MGMT: variants seen among roughly 807,000 people sequenced by gnomAD.
The protein encoded by MGMT is O-6-methylguanine-DNA methyltransferase.
A neutral mutation model predicts 15.9 loss-of-function variants in MGMT; 14 were observed. The ratio of observed to expected loss-of-function variants is 0.88; its 90% CI spans 0.58 to 1.37. The LOEUF is 1.37. Among genes scored for constraint, MGMT ranks in the 40% most tolerant of loss-of-function variants. The pLI, the probability that MGMT is intolerant of heterozygous loss-of-function variation, is 0.00. For synonymous variants in MGMT, 130 were observed against 118.2 expected, an observed-to-expected ratio of 1.10 and a Z score of -0.65; for missense variants, 282 against 268.1, an observed-to-expected ratio of 1.05 and a Z score of -0.36.
chr10:129,554,448 C>T (rs148890788), intron 2 of MGMT, among the ~76,000 whole-genome samples: 233 of 152,152 alleles, frequency 1.5e-3, no homozygotes, highest in Non-Finnish European at 1.4e-3. Context: ...AAGGTCTGTG[C>T]TTGGTTCTTT....
chr10:129,594,663 A>G (rs1447848700), intron 2 of MGMT, among the ~76,000 whole-genome samples: 2 of 152,208 alleles, frequency 1.3e-5, no homozygotes, highest in African/African-American at 2.4e-5. Context: ...GTGAAAGACA[A>G]TACGAACAGT....
chr10:129,471,732 G>T (rs1845233532), intron 1 of MGMT, among the ~76,000 whole-genome samples: 1 of 152,108 alleles, frequency 6.6e-6, no homozygotes, highest in Non-Finnish European at 1.5e-5. Context: ...GGATGCCAGG[G>T]GATTCTGGCA....
intron 2 of MGMT, among the ~76,000 whole-genome samples, chr10:129,623,545 A>G (rs1365807510): frequency 6.6e-6 from 1 of 152,112 alleles, no homozygotes; most frequent in Middle Eastern, 3.2e-3. Context: ...ATATGTATGT[A>G]TATATATAAC....
At chr10:129,584,313 C>T (rs1846592551) in intron 2 of MGMT, among the ~76,000 whole-genome samples, 10 of 152,192 alleles carry the variant, frequency 6.6e-5, no homozygotes, top group Admixed American at 6.5e-4. Flanking sequence ...CTGAGAATTG[C>T]TTGGCCTGTC....
At chr10:129,572,696 G>C (rs146858759) in intron 2 of MGMT, among the ~76,000 whole-genome samples, 2 of 151,454 alleles carry the variant, frequency 1.3e-5, no homozygotes, top group African/African-American at 4.9e-5. Flanking sequence ...GTGGTCATAC[G>C]GAAGAAGTCT....
At chr10:129,631,379 A>G (rs1471671276) in intron 2 of MGMT, among the ~76,000 whole-genome samples, 1 of 152,166 alleles carries the variant, frequency 6.6e-6, no homozygotes, top group Non-Finnish European at 1.5e-5. Flanking sequence ...CAGAAGAATG[A>G]AGGACTCTTA....
At chr10:129,521,174 C>T (rs1049820808) in intron 1 of MGMT, among the ~76,000 whole-genome samples, 3 of 152,150 alleles carry the variant, frequency 2.0e-5, no homozygotes, top group East Asian at 1.9e-4. Flanking sequence ...GCTCAGGCCC[C>T]GCACATCGTC....
chr10:129,747,386 C>CT (rs1373586182), intron 3 of MGMT, among the ~76,000 whole-genome samples: 2 of 152,042 alleles, frequency 1.3e-5, no homozygotes, highest in East Asian at 3.9e-4. Flanking sequence ...TTGCTGAGAG[C>CT]TTTTATCATG....
At chr10:129,673,181 C>T (rs1387126846) in intron 2 of MGMT, among the ~76,000 whole-genome samples, 1 of 152,160 alleles carries the variant, frequency 6.6e-6, no homozygotes, top group Non-Finnish European at 1.5e-5. Flanking sequence ...GTAGGGGCAG[C>T]TCCTGTGCTG....
chr10:129,665,841 TACA>T (rs1303926400), intron 2 of MGMT, among the ~76,000 whole-genome samples: 2 of 152,180 alleles, frequency 1.3e-5, no homozygotes, highest in African/African-American at 2.4e-5. Flanking sequence ...GGCGACTGAA[TACA>T]ACGTGTGCCT....
chr10:129,576,158 A>G (rs1846480191), intron 2 of MGMT, among the ~76,000 whole-genome samples: 2 of 152,244 alleles, frequency 1.3e-5, no homozygotes, highest in South Asian at 2.1e-4. Context: ...CAATAGACAA[A>G]GAGGGAATCC....
chr10:129,673,321 T>TAACA (rs1847746624), intron 2 of MGMT, among the ~76,000 whole-genome samples: 1 of 152,146 alleles, frequency 6.6e-6, no homozygotes, highest in Non-Finnish European at 1.5e-5. Context: ...TAAGCAACAC[T>TAACA]AACAACAAAT....
intron 2 of MGMT, among the ~76,000 whole-genome samples, chr10:129,619,955 A>G (rs550754326): frequency 2.6e-5 from 4 of 152,082 alleles, no homozygotes; most frequent in African/African-American, 7.2e-5. Context: ...CTCTCTTTCT[A>G]CTTTCTAAGA....
intron 2 of MGMT, among the ~76,000 whole-genome samples, chr10:129,565,241 T>C (rs985948574): frequency 6.6e-6 from 1 of 151,088 alleles, no homozygotes; most frequent in African/African-American, 2.4e-5. Flanking sequence ...CTCGTACATG[T>C]GGAGTTTAAA....
At chr10:129,525,407 G>T (rs1234481648) in intron 1 of MGMT, among the ~76,000 whole-genome samples, 1 of 152,164 alleles carries the variant, frequency 6.6e-6, no homozygotes, top group African/African-American at 2.4e-5. Flanking sequence ...TCTGGGATCT[G>T]ATGTGTAGGC....
At chr10:129,716,356 T>C (rs1274510385) in intron 3 of MGMT, among the ~76,000 whole-genome samples, 1 of 152,148 alleles carries the variant, frequency 6.6e-6, no homozygotes, top group Non-Finnish European at 1.5e-5. Context: ...TTTTTAATTG[T>C]TGCACAAACA....
At chr10:129,648,220 G>A (rs537189698) in intron 2 of MGMT, among the ~76,000 whole-genome samples, 6 of 151,862 alleles carry the variant, frequency 4.0e-5, no homozygotes, top group Non-Finnish European at 7.4e-5. Flanking sequence ...CTTGCACCGC[G>A]AACTCCAGTC....
intron 2 of MGMT, among the ~76,000 whole-genome samples, chr10:129,616,214 A>C (rs74160241): frequency 1.3e-5 from 2 of 152,222 alleles, no homozygotes; most frequent in African/African-American, 2.4e-5. Context: ...CCTGGCTCAC[A>C]TACTCCTACA....
At chr10:129,652,635 T>G (rs1847474543) in intron 2 of MGMT, among the ~76,000 whole-genome samples, 3 of 152,322 alleles carry the variant, frequency 2.0e-5, no homozygotes, top group East Asian at 3.9e-4. Flanking sequence ...CCGCAGTGGC[T>G]GCTGCTGTTG....
Sources: gnomAD v4.1 joint callset for allele counts (sites outside exome capture counted in the v4.1 genomes callset) on GRCh38, gnomAD v4.1.1 for gene constraint, MANE v1.5 for transcripts, NCBI Gene and HGNC (gene_info 2026-07-23, HGNC 2026-07-21) for gene names.